The following SLC24A2 variants were observed in gnomAD, a reference collection of about 807,000 sequenced individuals.
The protein encoded by SLC24A2 is solute carrier family 24 member 2.
SLC24A2 carries 36 observed loss-of-function variants against 62.0 expected under a neutral mutation model. That is an observed-to-expected ratio of 0.58 (90% CI 0.44 to 0.77). SLC24A2 has a LOEUF of 0.77. SLC24A2 is among the 30% of genes least tolerant of loss of function. The pLI, the probability that SLC24A2 is intolerant of heterozygous loss-of-function variation, is 0.00. For synonymous variants in SLC24A2, 358 were observed against 294.0 expected (o/e 1.22, Z -2.23); for missense variants, 846 against 817.9 (o/e 1.03, Z -0.42).
At chr9:19,780,599 A>G (rs559202749) in intron 2 of SLC24A2, among the ~76,000 whole-genome samples, 6 of 151,832 alleles carry the variant, frequency 4.0e-5, no homozygotes, top group African/African-American at 1.4e-4. Context: ...AAGCATCAAG[A>G]TAATAGAAAT....
chr9:19,837,991 G>A, the SLC24A2 span, among the ~76,000 whole-genome samples: 1 of 151,470 alleles, frequency 6.6e-6, no homozygotes, highest in East Asian at 1.9e-4. Context: ...TGGCCATACT[G>A]CCCAAGGTAA....
At chr9:19,567,148 A>G (rs1356967574) in intron 7 of SLC24A2, among the ~76,000 whole-genome samples, 3 of 150,388 alleles carry the variant, frequency 2.0e-5, no homozygotes, top group African/African-American at 7.3e-5. Flanking sequence ...AGTATAATAA[A>G]AAAAATAAAC....
At chr9:20,100,652 C>G in the SLC24A2 span, among the ~76,000 whole-genome samples, 1 of 152,236 alleles carries the variant, frequency 6.6e-6, no homozygotes, top group Non-Finnish European at 1.5e-5. Context: ...TTATGTAATT[C>G]ATTAATAAAT....
At chr9:19,667,429 C>G (rs1229226814) in intron 2 of SLC24A2, among the ~76,000 whole-genome samples, 1 of 152,156 alleles carries the variant, frequency 6.6e-6, no homozygotes, top group Non-Finnish European at 1.5e-5. Flanking sequence ...TTGCCCAGGT[C>G]TGACTGGTCA....
At chr9:20,032,439 G>A in the SLC24A2 span, among the ~76,000 whole-genome samples, 1 of 152,044 alleles carries the variant, frequency 6.6e-6, no homozygotes, top group African/African-American at 2.4e-5. Flanking sequence ...TTTGTAAAGT[G>A]CAATAATTAC....
At chr9:19,576,886 C>T (rs1400986402) in intron 6 of SLC24A2, 38 bp downstream of exon 6, 2 of 1,509,682 alleles carry the variant, frequency 1.3e-6, no homozygotes, top group South Asian at 2.2e-5. Flanking sequence ...CTCGCTTCCC[C>T]CAGGAAAGGT....
the SLC24A2 span, among the ~76,000 whole-genome samples, chr9:20,297,280 T>C: frequency 4.8e-3 from 737 of 152,240 alleles, 7 homozygotes; most frequent in African/African-American, 0.017. Context: ...AAATCCAGGT[T>C]AGGACCCAAA....
the SLC24A2 span, among the ~76,000 whole-genome samples, chr9:19,892,839 G>C: frequency 6.6e-6 from 1 of 152,184 alleles, no homozygotes; most frequent in Non-Finnish European, 1.5e-5. Context: ...TTAGAACCCA[G>C]TCTGGCTGTC....
In SLC24A2 at chr9:19,516,034, A is replaced by AGG; in HGVS notation, c.*117_*118dup. 8.0e-7 allele frequency: 1 copy of AGG among 1,252,544 alleles called. No individual in the cohort carries two copies. Among genetic ancestry groups the AGG allele is most frequent in the Admixed American group, 1.7e-5 (1 of 59,408 alleles). 77.6% of individuals were successfully genotyped at this position (1,252,544 alleles called of 1,614,324 possible). The stretch of plus-strand genomic sequence containing the variant: ...CCATCTCTCCTCAAATTCACCAAGG[A>AGG]GGGACACTTGGCACCCAGGGCTGTG... On this transcript the variant is annotated 3_prime_UTR_variant, in exon 11 of 11. Coordinates refer to ENST00000341998, the MANE Select transcript of SLC24A2 (RefSeq NM_020344.4).
At chr9:20,098,033 G>A in the SLC24A2 span, among the ~76,000 whole-genome samples, 8 of 151,982 alleles carry the variant, frequency 5.3e-5, no homozygotes, top group Admixed American at 3.9e-4. Flanking sequence ...GAGCCACCGC[G>A]CCTGGCCCGA....
chr9:20,057,656 A>G, the SLC24A2 span, among the ~76,000 whole-genome samples: 1 of 152,240 alleles, frequency 6.6e-6, no homozygotes, highest in Non-Finnish European at 1.5e-5. Context: ...TTAATAATGA[A>G]AATTTACATA....
At chr9:20,276,475 C>T in the SLC24A2 span, among the ~76,000 whole-genome samples, 3 of 152,210 alleles carry the variant, frequency 2.0e-5, no homozygotes, top group Non-Finnish European at 4.4e-5. Context: ...CAGCCCCACT[C>T]CTGGCTGCTT....
At chr9:20,190,406 T>C in the SLC24A2 span, among the ~76,000 whole-genome samples, 1 of 152,208 alleles carries the variant, frequency 6.6e-6, no homozygotes, top group Non-Finnish European at 1.5e-5. Flanking sequence ...TTTTTAATCA[T>C]CTATTGTGTT....
In SLC24A2 at chr9:19,788,950, C is replaced by T; in HGVS notation, c.-219G>A. The T allele has an allele frequency of 1.0e-6, 1 of 985,110 alleles. No homozygotes were observed. 61.0% of individuals were successfully genotyped at this position (985,110 alleles called of 1,614,324 possible). On this transcript the variant is annotated 5_prime_UTR_variant, in exon 1 of 11. Transcript: ENST00000341998. ...AGCGCGGCCCGCCGCTCCAGTCCGC[C>T]GGCCCTCCGCCTACCCGCTCTGAGG...
chr9:20,116,561 C>G, the SLC24A2 span, among the ~76,000 whole-genome samples: 1 of 152,150 alleles, frequency 6.6e-6, no homozygotes, highest in African/African-American at 2.4e-5. Context: ...TTTCTCAGCA[C>G]CTACCATACT....
the SLC24A2 span, among the ~76,000 whole-genome samples, chr9:20,019,186 AAAAG>A: frequency 2.7e-5 from 4 of 149,730 alleles, no homozygotes; most frequent in African/African-American, 7.3e-5. Flanking sequence ...AGAAAGAAGG[AAAAG>A]AAAGAAAGAA....
chr9:20,076,760 T>C, the SLC24A2 span, among the ~76,000 whole-genome samples: 1 of 151,428 alleles, frequency 6.6e-6, no homozygotes, highest in Non-Finnish European at 1.5e-5. Context: ...AAAAAGTAGT[T>C]AGATTGTTTC....
intron 9 of SLC24A2, among the ~76,000 whole-genome samples, chr9:19,526,559 G>C (rs989117021): frequency 6.6e-6 from 1 of 152,054 alleles, no homozygotes; most frequent in Non-Finnish European, 1.5e-5. Context: ...GGTGTAAAGT[G>C]GTATCTTGTT....
chr9:20,023,201 T>G, the SLC24A2 span, among the ~76,000 whole-genome samples: 4 of 152,198 alleles, frequency 2.6e-5, no homozygotes, highest in Non-Finnish European at 4.4e-5. Flanking sequence ...AAATAAAATG[T>G]ATGGTCCCAA....
Sources: allele counts gnomAD v4.1 joint callset (sites outside exome capture counted in the v4.1 genomes callset), GRCh38; gene constraint gnomAD v4.1.1; transcripts MANE v1.5; gene names NCBI Gene and HGNC (gene_info 2026-07-23, HGNC 2026-07-21).